The following PEAK1 variants were observed in gnomAD, a reference collection of about 807,000 sequenced individuals.
PEAK1 encodes pseudopodium enriched atypical kinase 1, also known as inactive tyrosine-protein kinase PEAK1.
A neutral mutation model predicts 124.7 loss-of-function variants in PEAK1; 54 were observed. The ratio of observed to expected loss-of-function variants is 0.43; its 90% confidence interval spans 0.35 to 0.54. The LOEUF is 0.54. PEAK1 is among the 20% of genes least tolerant of loss of function. PEAK1 has a pLI of 0.01. For synonymous variants in PEAK1, 719 were observed against 760.0 expected (o/e 0.95, Z 0.89); for missense variants, 2,046 against 2,134.5 (o/e 0.96, Z 0.82).
intron 7 of PEAK1, among the ~76,000 whole-genome samples, chr15:77,170,885 G>T (rs1404602168): frequency 1.3e-5 from 2 of 152,088 alleles, no homozygotes; most frequent in Non-Finnish European, 2.9e-5. Context: ...ACACCAAAGA[G>T]TTGCAGAAAT....
intron 5 of PEAK1, among the ~76,000 whole-genome samples, chr15:77,258,412 G>A (rs937388314): frequency 2.6e-5 from 4 of 152,124 alleles, no homozygotes; most frequent in Non-Finnish European, 5.9e-5. Flanking sequence ...TTGAGCAGTG[G>A]TTTGTAGTTC....
At chr15:77,281,543 A>G (rs2062675297) in intron 5 of PEAK1, among the ~76,000 whole-genome samples, 1 of 152,176 alleles carries the variant, frequency 6.6e-6, no homozygotes, top group Non-Finnish European at 1.5e-5. Context: ...ATCAAATTTA[A>G]TAACTTCCTA....
At chr15:77,404,775 G>T (rs759450520) in intron 1 of PEAK1, 22 of 967,664 alleles carry the variant, frequency 2.3e-5, no homozygotes, top group Non-Finnish European at 2.3e-5. Context: ...AAAAGAGCAG[G>T]TTATCAGATT....
chr15:77,317,129 A>G (rs2064929022), intron 2 of PEAK1, among the ~76,000 whole-genome samples: 1 of 152,050 alleles, frequency 6.6e-6, no homozygotes, highest in Non-Finnish European at 1.5e-5. Flanking sequence ...GCAAATTCTC[A>G]TTTTCTGTTT....
chr15:77,252,521 T>A lies in PEAK1; in HGVS notation c.-269A>T. ...ATTCCTTAATTTCTGAAGATAGCAA[T>A]GTTTACTGCAAGAGAAAAAAAATAG... On this transcript the variant is annotated 5_prime_UTR_variant, in exon 6 of 10. Transcript: ENST00000682557. 1.0e-6 allele frequency: 1 copy of A among 984,418 alleles called. No homozygotes were observed. 61.0% of individuals were successfully genotyped at this position (984,418 alleles called of 1,614,324 possible).
At chr15:77,136,639 A>G (rs183552759) in intron 8 of PEAK1, among the ~76,000 whole-genome samples, 21 of 152,206 alleles carry the variant, frequency 1.4e-4, no homozygotes, top group African/African-American at 4.1e-4. Context: ...GTACTCCAGT[A>G]TTGGTGACAG....
At chr15:77,394,561 G>C (rs1022463209) in intron 1 of PEAK1, among the ~76,000 whole-genome samples, 1 of 152,206 alleles carries the variant, frequency 6.6e-6, no homozygotes, top group Non-Finnish European at 1.5e-5. Context: ...AAAAGCCGGT[G>C]TTACTGGGCT....
chr15:77,153,325 C>T (rs954485133), intron 8 of PEAK1, among the ~76,000 whole-genome samples: 16 of 152,090 alleles, frequency 1.1e-4, no homozygotes, highest in Admixed American at 2.6e-4. Context: ...TCTGTGGGAT[C>T]GGTGGTGATA....
intron 6 of PEAK1, among the ~76,000 whole-genome samples, chr15:77,196,535 C>T (rs1429990425): frequency 2.0e-5 from 3 of 152,122 alleles, no homozygotes; most frequent in Non-Finnish European, 4.4e-5. Flanking sequence ...GTTGAAGGCA[C>T]TGAAAACTGA....
At chr15:77,369,307 C>T (rs532191643) in intron 1 of PEAK1, among the ~76,000 whole-genome samples, 1 of 152,270 alleles carries the variant, frequency 6.6e-6, no homozygotes, top group South Asian at 2.1e-4. Flanking sequence ...GCCAACACTA[C>T]AGGAATGCAA....
chr15:77,246,342 A>G (rs778056799), intron 6 of PEAK1, among the ~76,000 whole-genome samples: 3 of 152,060 alleles, frequency 2.0e-5, no homozygotes, highest in Non-Finnish European at 4.4e-5. Flanking sequence ...TATTCAATCT[A>G]TAGAACAATT....
At chr15:77,274,878 C>T (rs1205084641) in intron 5 of PEAK1, among the ~76,000 whole-genome samples, 1 of 152,126 alleles carries the variant, frequency 6.6e-6, no homozygotes. Flanking sequence ...ATGTTTATAG[C>T]AGCACAATTC....
At chr15:77,403,637 T>C in intron 1 of PEAK1, 2 of 893,418 alleles carry the variant, frequency 2.2e-6, no homozygotes, top group Non-Finnish European at 2.7e-6. Context: ...TCTGGGGACA[T>C]GAAGATGAAT....
chr15:77,411,450 T>C (rs117643522), intron 1 of PEAK1, among the ~76,000 whole-genome samples: 18 of 152,222 alleles, frequency 1.2e-4, no homozygotes, highest in Non-Finnish European at 2.2e-4. Context: ...TGTTAACATA[T>C]GGAGAAACTT....
chr15:77,131,669 G>A (rs1039045218), intron 9 of PEAK1, among the ~76,000 whole-genome samples: 3 of 152,170 alleles, frequency 2.0e-5, no homozygotes, highest in East Asian at 1.9e-4. Context: ...CAAAAATATA[G>A]TTCCAGGAAC....
At chr15:77,229,286 G>A (rs1328733647) in intron 6 of PEAK1, among the ~76,000 whole-genome samples, 1 of 152,164 alleles carries the variant, frequency 6.6e-6, no homozygotes, top group Non-Finnish European at 1.5e-5. Context: ...ATAACCTGCA[G>A]AGACATCCTT....
intron 2 of PEAK1, chr15:77,352,910 G>C: frequency 3.0e-6 from 3 of 985,260 alleles, no homozygotes; most frequent in Non-Finnish European, 3.6e-6. Flanking sequence ...GCACATATTT[G>C]CTATACACAA....
chr15:77,175,096 T>C (rs2056768573), intron 7 of PEAK1, among the ~76,000 whole-genome samples: 1 of 151,684 alleles, frequency 6.6e-6, no homozygotes. Flanking sequence ...TATACAAAAA[T>C]CAATTCAAGA....
In PEAK1 at chr15:77,114,868, T is replaced by G; in HGVS notation, c.4529A>C (p.Tyr1510Ser). The change falls in exon 10 of 10, where the codon TAC becomes TCC. Residue 1510 changes from tyrosine (Y) to serine (S), a missense_variant. Physicochemically the swap from Tyr to Ser is moderately radical, Grantham distance 144. Transcript: ENST00000682557. ...GCGTAGATCGCAGTGAGTGACATGG[T>G]AGGGTTTGAGGTGCTCAAGACCAGA... ...LCSGLEHLKP[Y>S]HVTHCDLRLE... 3 of 1,613,652 alleles carry G rather than the reference T, an allele frequency of 1.9e-6. No individual in the cohort carries two copies. The highest frequency in any genetic ancestry group is 2.5e-6 in the Non-Finnish European group (3 of 1,179,962).
Sources: allele counts gnomAD v4.1 joint callset (sites outside exome capture counted in the v4.1 genomes callset), GRCh38; gene constraint gnomAD v4.1.1; transcripts MANE v1.5; gene names NCBI Gene and HGNC (gene_info 2026-07-23, HGNC 2026-07-21).